The following CEP63 variants were observed in gnomAD, a reference collection of about 807,000 sequenced individuals.
CEP63 encodes centrosomal protein of 63 kDa.
A neutral mutation model predicts 89.1 loss-of-function variants in CEP63; 84 were observed. The observed-to-expected ratio is 0.94, with a 90% CI of 0.79 to 1.13. The LOEUF (loss-of-function observed/expected upper bound fraction) is 1.13, where lower values mean the gene tolerates loss of function less well. Ranked by LOEUF, CEP63 falls within the 50% of genes most tolerant of loss-of-function variation. The pLI is 0.00. For missense variants in CEP63, 838 were observed against 813.3 expected (o/e 1.03, Z -0.37); for synonymous variants, 267 against 272.5 (o/e 0.98, Z 0.20).
intron 3 of CEP63, chr3:134,511,560 A>G (rs1944950687): frequency 2.0e-5 from 3 of 153,060 alleles, no homozygotes; most frequent in African/African-American, 7.2e-5. Flanking sequence ...ATAAGGAACT[A>G]CCTGAGACAG....
intron 3 of CEP63, among the ~76,000 whole-genome samples, chr3:134,508,773 G>A (rs1039922879): frequency 3.3e-5 from 5 of 152,180 alleles, no homozygotes; most frequent in African/African-American, 1.2e-4. Flanking sequence ...GTAAGGATAT[G>A]AAGATGTTAA....
chr3:134,525,148 G>A (rs1347283691), intron 3 of CEP63, among the ~76,000 whole-genome samples: 1 of 152,100 alleles, frequency 6.6e-6, no homozygotes, highest in Non-Finnish European at 1.5e-5. Flanking sequence ...ATTTCTTCTA[G>A]ATTTTCTAGT....
At chr3:134,498,271 T>A (rs905686351) in intron 2 of CEP63, among the ~76,000 whole-genome samples, 1 of 152,164 alleles carries the variant, frequency 6.6e-6, no homozygotes, top group African/African-American at 2.4e-5. Context: ...AGGTCTTTTA[T>A]GTCCTTGGTT....
the CEP63 span, among the ~76,000 whole-genome samples, chr3:134,605,974 C>T: frequency 6.6e-5 from 10 of 152,172 alleles, no homozygotes; most frequent in Admixed American, 3.3e-4. Context: ...TACATGCTTT[C>T]TCTACTGCCT....
At chr3:134,572,836 T>G (rs911165704) in intron 11 of CEP63, among the ~76,000 whole-genome samples, 2 of 152,214 alleles carry the variant, frequency 1.3e-5, no homozygotes, top group Non-Finnish European at 2.9e-5. Flanking sequence ...CTCCAAACTG[T>G]TTTCCACAGT....
At chr3:134,528,748 C>T (rs1310453436) in intron 3 of CEP63, among the ~76,000 whole-genome samples, 4 of 152,010 alleles carry the variant, frequency 2.6e-5, no homozygotes, top group African/African-American at 9.7e-5. Context: ...TTTCTTCTGT[C>T]TTTGCTAAAA....
At chr3:134,616,159 T>G in the CEP63 span, among the ~76,000 whole-genome samples, 1 of 152,096 alleles carries the variant, frequency 6.6e-6, no homozygotes, top group Non-Finnish European at 1.5e-5. Flanking sequence ...AAGAGAGACA[T>G]TAATGTTGGA....
chr3:134,602,036 G>C, the CEP63 span, among the ~76,000 whole-genome samples: 1 of 152,174 alleles, frequency 6.6e-6, no homozygotes, highest in Non-Finnish European at 1.5e-5. Context: ...CACGGAGGAA[G>C]CTATGAGGGT....
the CEP63 span, chr3:134,755,649 C>G: frequency 1.3e-5 from 2 of 152,388 alleles, no homozygotes; most frequent in Middle Eastern, 3.4e-3. Context: ...TTTCCCCATC[C>G]CTCTTTCAGC....
At chr3:134,711,906 G>A in the CEP63 span, among the ~76,000 whole-genome samples, 2 of 151,848 alleles carry the variant, frequency 1.3e-5, no homozygotes, top group Non-Finnish European at 2.9e-5. Flanking sequence ...AGGATTACAA[G>A]CATGTGCCAC....
At chr3:134,695,458 CT>C in the CEP63 span, among the ~76,000 whole-genome samples, 1 of 152,180 alleles carries the variant, frequency 6.6e-6, no homozygotes, top group African/African-American at 2.4e-5. Context: ...TGGTGATGAC[CT>C]TTCTTGCTTC....
In CEP63 at chr3:134,546,873, G is replaced by A. The variant is rs1330406589; in HGVS notation, c.930-462G>A. 3.3e-5 allele frequency among the ~76,000 whole-genome samples: 5 copies of A among 152,308 alleles called. No individual in the cohort carries two copies. In the South Asian group the frequency reaches 6.2e-4, roughly 19 times the overall value. ...TTGCATGCTTGGTGAAAATCCAAAT[G>A]TGCAGGGAATTGTCATCCATGTCTC... On this transcript the variant is annotated intron_variant, in intron 8 of 14. Transcript: ENST00000675561.
At chr3:134,778,579 G>C in the CEP63 span, among the ~76,000 whole-genome samples, 6 of 151,782 alleles carry the variant, frequency 4.0e-5, no homozygotes, top group Middle Eastern at 3.4e-3. Flanking sequence ...GTTTTTTTGA[G>C]ACAGAGTCTC....
At chr3:134,559,478 T>C (rs1215847719) in intron 14 of CEP63, 49 bp downstream of exon 14, 2 of 1,541,532 alleles carry the variant, frequency 1.3e-6, no homozygotes, top group Admixed American at 1.8e-5. Flanking sequence ...TTAAGTTTGC[T>C]TTGATTTTTT....
At chr3:134,773,384 C>T in the CEP63 span, among the ~76,000 whole-genome samples, 2 of 152,162 alleles carry the variant, frequency 1.3e-5, no homozygotes, top group Non-Finnish European at 2.9e-5. Flanking sequence ...CCTTTGGAGG[C>T]CACTCAAGCT....
the CEP63 span, among the ~76,000 whole-genome samples, chr3:134,664,648 A>G: frequency 6.8e-6 from 1 of 146,080 alleles, no homozygotes; most frequent in Non-Finnish European, 1.5e-5. Context: ...CTGGCACATG[A>G]CAGGTGTTTC....
chr3:134,514,141 A>G (rs1395468422), intron 3 of CEP63, among the ~76,000 whole-genome samples: 1 of 152,176 alleles, frequency 6.6e-6, no homozygotes, highest in Non-Finnish European at 1.5e-5. Flanking sequence ...AAGATTGAGC[A>G]TTTCGAAAAA....
the CEP63 span, chr3:134,650,721 G>T: frequency 1.8e-6 from 2 of 1,120,038 alleles, no homozygotes; most frequent in Non-Finnish European, 2.4e-6. Context: ...CGGGTTCGCT[G>T]ACCTCGTTCG....
In CEP63 at chr3:134,563,346, G is replaced by A. The variant is rs1577467177; in HGVS notation, c.*1811G>A. ...GATAGTACTCACACCAGTAATTCAG[G>A]GAGCTTCTGGAGTTATCCTTTAGAA... On this transcript the variant is annotated 3_prime_UTR_variant, in exon 15 of 15. Coordinates refer to ENST00000675561, the MANE Select transcript of CEP63 (RefSeq NM_001353108.3). 6.6e-6 allele frequency: 1 copy of A among 152,104 alleles called. No homozygotes were observed. The highest frequency in any genetic ancestry group is 1.9e-4 in the East Asian group (1 of 5,190). The allele number at this position is 152,104 out of a possible 1,614,324, so 9.4% of individuals were successfully genotyped here.
Sources: gnomAD v4.1 joint callset for allele counts (sites outside exome capture counted in the v4.1 genomes callset) on GRCh38, gnomAD v4.1.1 for gene constraint, MANE v1.5 for transcripts, NCBI Gene and HGNC (gene_info 2026-07-23, HGNC 2026-07-21) for gene names.